GBE1: variants seen among roughly 807,000 people sequenced by gnomAD.
The protein encoded by GBE1 is 1,4-alpha-glucan-branching enzyme.
A neutral mutation model predicts 88.8 loss-of-function variants in GBE1; 70 were observed. That is an observed-to-expected ratio of 0.79 (90% CI 0.65 to 0.96). GBE1 has a LOEUF of 0.96. GBE1 is among the 40% of genes least tolerant of loss of function. The pLI, the probability that GBE1 is intolerant of heterozygous loss-of-function variation, is 0.00. For missense variants in GBE1, 872 were observed against 871.0 expected, an observed-to-expected ratio of 1.00 and a Z score of -0.01; for synonymous variants, 284 against 300.1, an observed-to-expected ratio of 0.95 and a Z score of 0.56.
chr3:81,720,683 C>T (rs1031503774), intron 1 of GBE1, among the ~76,000 whole-genome samples: 7 of 151,948 alleles, frequency 4.6e-5, no homozygotes, highest in African/African-American at 1.7e-4. Context: ...AAGTTCCTCA[C>T]CAAATGAAAC....
chr3:81,581,066 T>C, intron 11 of GBE1, 99 bp downstream of exon 11: 1 of 705,204 alleles, frequency 1.4e-6, no homozygotes, highest in South Asian at 1.8e-5. Context: ...TACAGAGGTT[T>C]ATATTTCGAT....
chr3:81,530,554 C>T (rs549976743), intron 14 of GBE1, among the ~76,000 whole-genome samples: 4 of 151,978 alleles, frequency 2.6e-5, no homozygotes, highest in Non-Finnish European at 4.4e-5. Context: ...TAAGGGGCTC[C>T]ACTCTTGTTG....
chr3:81,743,838 T>G (rs1052197307), intron 1 of GBE1, among the ~76,000 whole-genome samples: 1 of 152,136 alleles, frequency 6.6e-6, no homozygotes, highest in Non-Finnish European at 1.5e-5. Context: ...CAACGTGGAC[T>G]AGCCATGCCA....
chr3:81,750,609 A>G (rs28424060), intron 1 of GBE1, among the ~76,000 whole-genome samples: 1 of 73,714 alleles, frequency 1.4e-5, no homozygotes, highest in Non-Finnish European at 2.3e-5. Context: ...ATGTGTATAT[A>G]TATATATGTA....
At chr3:81,556,277 T>C (rs1703347683) in intron 12 of GBE1, among the ~76,000 whole-genome samples, 2 of 151,576 alleles carry the variant, frequency 1.3e-5, no homozygotes, top group South Asian at 4.2e-4. Flanking sequence ...TTAAACAATA[T>C]AAACAAAGCT....
chr3:81,597,726 T>C (rs1159812468), intron 7 of GBE1, among the ~76,000 whole-genome samples: 2 of 151,668 alleles, frequency 1.3e-5, no homozygotes, highest in Non-Finnish European at 3.0e-5. Context: ...TTTTGAATCA[T>C]AAACCACTAA....
At chr3:81,699,032 C>T (rs1477381692) in intron 2 of GBE1, among the ~76,000 whole-genome samples, 2 of 151,302 alleles carry the variant, frequency 1.3e-5, no homozygotes, top group Admixed American at 1.3e-4. Context: ...CACTTCTCAG[C>T]ATAGGTACTG....
At chr3:81,510,815 A>G (rs904902173) in intron 14 of GBE1, among the ~76,000 whole-genome samples, 1 of 152,092 alleles carries the variant, frequency 6.6e-6, no homozygotes, top group Non-Finnish European at 1.5e-5. Context: ...TATAAGATGA[A>G]TAAGTTCTGA....
intron 15 of GBE1, 90 bp downstream of exon 15, chr3:81,499,020 T>A: frequency 2.7e-6 from 2 of 750,712 alleles, no homozygotes. Flanking sequence ...CCATGTTGCT[T>A]ATTTGAAGAG....
chr3:81,668,356 A>C (rs896616701), intron 3 of GBE1, among the ~76,000 whole-genome samples: 1 of 152,220 alleles, frequency 6.6e-6, no homozygotes, highest in Non-Finnish European at 1.5e-5. Flanking sequence ...ATAAAAAATG[A>C]AAATAAAGCT....
At chr3:81,726,023 A>G (rs543014028) in intron 1 of GBE1, among the ~76,000 whole-genome samples, 7 of 152,132 alleles carry the variant, frequency 4.6e-5, no homozygotes, top group Admixed American at 1.3e-4. Context: ...TTCTTAATAA[A>G]GGTTACTTAA....
chr3:81,511,412 G>C (rs1448573583), intron 14 of GBE1, among the ~76,000 whole-genome samples: 1 of 151,916 alleles, frequency 6.6e-6, no homozygotes, highest in African/African-American at 2.4e-5. Flanking sequence ...GAAAATATTT[G>C]CAAGTTATGA....
intron 1 of GBE1, among the ~76,000 whole-genome samples, chr3:81,718,272 G>T (rs1185507754): frequency 2.6e-5 from 4 of 152,078 alleles, no homozygotes; most frequent in Non-Finnish European, 4.4e-5. Context: ...GAGCCACTGT[G>T]CCTGGCCAAC....
At chr3:81,583,545 C>T (rs916426995) in intron 10 of GBE1, among the ~76,000 whole-genome samples, 5 of 151,974 alleles carry the variant, frequency 3.3e-5, no homozygotes, top group African/African-American at 4.8e-5. Flanking sequence ...CTGTTGAATG[C>T]GCTGTTGATA....
intron 1 of GBE1, among the ~76,000 whole-genome samples, chr3:81,750,643 A>ATGTGTGTGTG (rs1453874485): frequency 4.0e-4 from 20 of 49,736 alleles, no homozygotes; most frequent in African/African-American, 2.4e-3. Flanking sequence ...ATATATATAT[A>ATGTGTGTGTG]TGTATATATA....
intron 1 of GBE1, among the ~76,000 whole-genome samples, chr3:81,741,758 CTATATAA>C (rs1337162295): frequency 2.0e-5 from 3 of 148,726 alleles, no homozygotes; most frequent in South Asian, 4.2e-4. Context: ...GTATAATACT[CTATATAA>C]TATATAACAC....
At chr3:81,592,568 G>A (rs535373650) in intron 8 of GBE1, among the ~76,000 whole-genome samples, 5 of 152,138 alleles carry the variant, frequency 3.3e-5, no homozygotes, top group African/African-American at 9.6e-5. Flanking sequence ...TGCGGTTTCA[G>A]GGATTTTGTT....
chr3:81,750,588 CGTATATATATATGTGTATATATATATAT>C (rs1706495703), intron 1 of GBE1, among the ~76,000 whole-genome samples: 4 of 44,956 alleles, frequency 8.9e-5, no homozygotes, highest in African/African-American at 2.5e-4. Context: ...TATATATATA[CGTATATATATATGTGTATATATATATAT>C]GTATATATAT....
chr3:81,683,179 TTTA>T (rs1705376480), intron 2 of GBE1, among the ~76,000 whole-genome samples: 1 of 152,202 alleles, frequency 6.6e-6, no homozygotes, highest in Admixed American at 6.5e-5. Flanking sequence ...GCACAACTAT[TTTA>T]TTATACTAAA....
Sources: allele counts gnomAD v4.1 joint callset (sites outside exome capture counted in the v4.1 genomes callset), GRCh38; gene constraint gnomAD v4.1.1; transcripts MANE v1.5; gene names NCBI Gene and HGNC (gene_info 2026-07-23, HGNC 2026-07-21).